Variants in GRHL2 observed in about 807,000 individuals in gnomAD.
The protein encoded by GRHL2 is grainyhead like transcription factor 2.
A neutral mutation model predicts 83.8 loss-of-function variants in GRHL2; 21 were observed. The observed-to-expected ratio is 0.25, with a 90% CI of 0.18 to 0.36. The LOEUF (loss-of-function observed/expected upper bound fraction) is 0.36, where lower values mean the gene tolerates loss of function less well. Among genes scored for constraint, GRHL2 ranks in the 10% least tolerant of loss-of-function variants. GRHL2 has a pLI of 1.00. For missense variants in GRHL2, 623 were observed against 781.8 expected (o/e 0.80, Z 2.42); for synonymous variants, 280 against 278.9 (o/e 1.00, Z -0.04).
chr8:101,520,473 C>T (rs926801581), intron 1 of GRHL2, among the ~76,000 whole-genome samples: 2 of 152,070 alleles, frequency 1.3e-5, no homozygotes, highest in African/African-American at 4.8e-5. Context: ...TTTATCCTTC[C>T]TGGGCCATTT....
intron 9 of GRHL2, among the ~76,000 whole-genome samples, chr8:101,622,702 C>T (rs541709248): frequency 2.4e-4 from 37 of 152,138 alleles, no homozygotes; most frequent in South Asian, 4.2e-4. Context: ...ATTATTTTTC[C>T]GTAAGTTATT....
At chr8:101,618,432 T>C (rs1363217386) in intron 8 of GRHL2, among the ~76,000 whole-genome samples, 3 of 152,218 alleles carry the variant, frequency 2.0e-5, no homozygotes, top group African/African-American at 7.2e-5. Context: ...ACTAATTCAC[T>C]ATATTTTCTC....
chr8:101,597,032 T>C (rs1045983293), intron 7 of GRHL2, among the ~76,000 whole-genome samples: 3 of 152,114 alleles, frequency 2.0e-5, no homozygotes, highest in Non-Finnish European at 4.4e-5. Flanking sequence ...GTAGAAGAAG[T>C]GCAAATATGT....
chr8:101,516,653 T>G (rs771647086), intron 1 of GRHL2, among the ~76,000 whole-genome samples: 1 of 152,188 alleles, frequency 6.6e-6, no homozygotes, highest in Non-Finnish European at 1.5e-5. Context: ...GCAATCCTCC[T>G]GTCTTGGCCT....
At chr8:101,593,831 C>T (rs557549262) in intron 7 of GRHL2, among the ~76,000 whole-genome samples, 10 of 151,582 alleles carry the variant, frequency 6.6e-5, no homozygotes, top group Non-Finnish European at 1.2e-4. Flanking sequence ...TTTGGGAGAC[C>T]GAGGCAGGTG....
downstream of GRHL2, among the ~76,000 whole-genome samples, chr8:101,673,251 A>G (rs565089855): frequency 6.6e-6 from 1 of 152,164 alleles, no homozygotes; most frequent in Non-Finnish European, 1.5e-5. Flanking sequence ...TAAAAGACAC[A>G]GACTGGCAAA....
intron 1 of GRHL2, among the ~76,000 whole-genome samples, chr8:101,504,717 A>G (rs191510738): frequency 6.6e-6 from 1 of 152,096 alleles, no homozygotes; most frequent in African/African-American, 2.4e-5. Flanking sequence ...AGGGCCACAC[A>G]GTGACTCATC....
At chr8:101,595,235 TTAGAG>T (rs1448031322) in intron 7 of GRHL2, among the ~76,000 whole-genome samples, 2 of 152,198 alleles carry the variant, frequency 1.3e-5, no homozygotes, top group African/African-American at 4.8e-5. Context: ...TTGAACAAGA[TTAGAG>T]TATTTTATCT....
At position 101,537,211 on chromosome 8, in the gene GRHL2, A is replaced by G. The variant is rs540650833; in HGVS notation, c.21-6030A>G. Among the ~76,000 whole-genome samples the G allele has an allele frequency of 5.3e-5, 8 of 152,336 alleles. No homozygotes were observed. The East Asian group carries it at 1.2e-3, about 22-fold the overall frequency. ...TTTAGGTTGATTCCATGACAAAAGGATTCTATGTAGAAATACAGAAATGGT... is the reference window on the plus strand; with the variant it reads ...TTTAGGTTGATTCCATGACAAAAGGGTTCTATGTAGAAATACAGAAATGGT... On this transcript the variant is annotated intron_variant, in intron 1 of 15. Transcript: ENST00000646743.
intron 1 of GRHL2, among the ~76,000 whole-genome samples, chr8:101,533,325 C>T (rs901675477): frequency 6.6e-6 from 1 of 152,134 alleles, no homozygotes; most frequent in African/African-American, 2.4e-5. Context: ...TTATGAAAAC[C>T]TGAAGAATGC....
chr8:101,522,941 G>T (rs1045669137), intron 1 of GRHL2, among the ~76,000 whole-genome samples: 1 of 150,102 alleles, frequency 6.7e-6, no homozygotes, highest in African/African-American at 2.5e-5. Flanking sequence ...ATGGAATCTC[G>T]CTCTGTCACC....
chr8:101,562,274 T>G, intron 4 of GRHL2: 1 of 604,732 alleles, frequency 1.7e-6, no homozygotes, highest in South Asian at 1.6e-5. Flanking sequence ...TTCTACATTT[T>G]TCAAATTCAA....
In GRHL2 at chr8:101,610,639, G is replaced by A. The variant is rs557598020; in HGVS notation, c.1099-8900G>A. 6.8e-4 allele frequency among the ~76,000 whole-genome samples: 103 copies of A among 151,076 alleles called. 10 individuals carry two copies. Among genetic ancestry groups the A allele is most frequent in the African/African-American group, 2.5e-3 (100 of 40,468 alleles). ...TTCATATAAGTGTCACAGTACCAAC[G>A]TAGGGGCTGTTATACCTATTTAAAA... On this transcript the variant is annotated intron_variant, in intron 8 of 15. Coordinates refer to ENST00000646743, the MANE Select transcript of GRHL2 (RefSeq NM_024915.4).
At chr8:101,571,217 G>A (rs1332185840) in intron 5 of GRHL2, among the ~76,000 whole-genome samples, 1 of 152,192 alleles carries the variant, frequency 6.6e-6, no homozygotes, top group Non-Finnish European at 1.5e-5. Flanking sequence ...GTGGGGTTGA[G>A]GGCAAATATT....
Position 101,631,621 on chromosome 8 carries a change from G to GT in GRHL2, c.1258-9dup. The GT allele has an allele frequency of 6.2e-7, 1 of 1,607,278 alleles. No individual in the cohort carries two copies. Among genetic ancestry groups the GT allele is most frequent in the Non-Finnish European group, 8.5e-7 (1 of 1,174,562 alleles). On this transcript the variant is annotated splice_polypyrimidine_tract_variant and intron_variant, in intron 9 of 15. Transcript: ENST00000646743. ...AATATGCCTGGCATTTTCTGTATTT[G>GT]TTTTTTTCCTATCAGGGAGCAGAAA... is the stretch of plus-strand genomic sequence containing the variant.
intron 1 of GRHL2, among the ~76,000 whole-genome samples, chr8:101,506,075 A>G (rs1810335549): frequency 6.6e-6 from 1 of 152,228 alleles, no homozygotes; most frequent in Non-Finnish European, 1.5e-5. Flanking sequence ...TGTTTTTATG[A>G]TACAGAGATT....
chr8:101,543,976 T>TA (rs1811209833), intron 2 of GRHL2: 1 of 177,742 alleles, frequency 5.6e-6, no homozygotes, highest in Non-Finnish European at 1.2e-5. Flanking sequence ...AAACCCCTGA[T>TA]AAAACCATCA....
At chr8:101,666,456 C>G (rs1318036124) in intron 15 of GRHL2, 133 bp from the exon 16 acceptor site, 18 of 693,212 alleles carry the variant, frequency 2.6e-5, no homozygotes, top group Non-Finnish European at 4.3e-5. Flanking sequence ...GCCTTGTGTC[C>G]TCTCTCCTCC....
At chr8:101,511,645 G>A (rs1247640672) in intron 1 of GRHL2, among the ~76,000 whole-genome samples, 5 of 151,884 alleles carry the variant, frequency 3.3e-5, no homozygotes, top group South Asian at 2.1e-4. Flanking sequence ...CACTGTGCCC[G>A]GCCTCATCTT....
Sources: gnomAD v4.1 joint callset for allele counts (sites outside exome capture counted in the v4.1 genomes callset) on GRCh38, gnomAD v4.1.1 for gene constraint, MANE v1.5 for transcripts, NCBI Gene and HGNC (gene_info 2026-07-23, HGNC 2026-07-21) for gene names.